The following PXYLP1 variants were observed in gnomAD, a reference collection of about 807,000 sequenced individuals.
PXYLP1 encodes the protein 2-phosphoxylose phosphatase 1, also known as acid phosphatase-like 2.
A neutral mutation model predicts 37.9 loss-of-function variants in PXYLP1; 17 were observed. That is an observed-to-expected ratio of 0.45 (90% CI 0.31 to 0.67). The LOEUF is 0.67. PXYLP1 is among the 30% of genes least tolerant of loss of function. The pLI, the probability that PXYLP1 is intolerant of heterozygous loss-of-function variation, is 0.07. For synonymous variants in PXYLP1, 221 were observed against 232.2 expected, an observed-to-expected ratio of 0.95 and a Z score of 0.44; for missense variants, 511 against 612.0, an observed-to-expected ratio of 0.84 and a Z score of 1.74.
At chr3:141,272,791 C>A (rs758955212) in intron 2 of PXYLP1, 3 of 171,500 alleles carry the variant, frequency 1.7e-5, no homozygotes, top group Non-Finnish European at 3.4e-5. Flanking sequence ...ATTTTTTCTG[C>A]CTGCTTATAT....
chr3:141,289,860 G>A (rs1053014794), intron 5 of PXYLP1, among the ~76,000 whole-genome samples: 1 of 152,160 alleles, frequency 6.6e-6, no homozygotes, highest in Non-Finnish European at 1.5e-5. Flanking sequence ...TCTGGATCCA[G>A]GAGCTGCTAC....
At chr3:141,288,077 C>T (rs1942117984) in intron 5 of PXYLP1, among the ~76,000 whole-genome samples, 1 of 152,244 alleles carries the variant, frequency 6.6e-6, no homozygotes, top group African/African-American at 2.4e-5. Context: ...AGAAGCACAG[C>T]TTTCCCTCCG....
chr3:141,278,127 A>G (rs6803826), intron 2 of PXYLP1, among the ~76,000 whole-genome samples: 129,277 of 152,190 alleles, frequency 0.85, 55,382 homozygotes, highest in African/African-American at 0.96. Context: ...TGAATAGATG[A>G]TAAGGAGAGG....
At chr3:141,249,867 A>C (rs1472553398) in intron 1 of PXYLP1, among the ~76,000 whole-genome samples, 4 of 152,158 alleles carry the variant, frequency 2.6e-5, no homozygotes, top group Admixed American at 2.0e-4. Flanking sequence ...GCGTACATAA[A>C]AGTGAAAATC....
At chr3:141,249,618 C>G (rs1941096117) in intron 1 of PXYLP1, among the ~76,000 whole-genome samples, 1 of 152,124 alleles carries the variant, frequency 6.6e-6, no homozygotes, top group Non-Finnish European at 1.5e-5. Flanking sequence ...AATTGACACA[C>G]TTTGCTTGCA....
chr3:141,239,590 GT>G (rs1940746831), intron 1 of PXYLP1, among the ~76,000 whole-genome samples: 1 of 152,106 alleles, frequency 6.6e-6, no homozygotes, highest in African/African-American at 2.4e-5. Context: ...AATTGATGGT[GT>G]TTAACGACTC....
intron 4 of PXYLP1, among the ~76,000 whole-genome samples, chr3:141,280,207 A>G (rs1281138750): frequency 6.6e-6 from 1 of 152,266 alleles, no homozygotes; most frequent in Non-Finnish European, 1.5e-5. Flanking sequence ...GAATGAGGTC[A>G]GGAGATGAAG....
At chr3:141,264,998 G>C (rs1483357265) in intron 2 of PXYLP1, among the ~76,000 whole-genome samples, 2 of 152,184 alleles carry the variant, frequency 1.3e-5, no homozygotes, top group Admixed American at 1.3e-4. Flanking sequence ...GCTTGGAGTT[G>C]GGGAAGACCC....
At chr3:141,233,851 C>T (rs1223798339) in intron 1 of PXYLP1, among the ~76,000 whole-genome samples, 1 of 152,246 alleles carries the variant, frequency 6.6e-6, no homozygotes, top group Non-Finnish European at 1.5e-5. Context: ...CAAGGACATA[C>T]TGGGGCTCAG....
chr3:141,261,745 A>G (rs1511376), intron 2 of PXYLP1, among the ~76,000 whole-genome samples: 95,054 of 139,668 alleles, frequency 0.68, 30,591 homozygotes, highest in South Asian at 0.74. Flanking sequence ...TATCCCAGGA[A>G]CCAGCACTGC....
intron 2 of PXYLP1, chr3:141,262,707 T>C (rs1941422580): frequency 6.5e-7 from 1 of 1,534,466 alleles, no homozygotes; most frequent in Non-Finnish European, 8.7e-7. Flanking sequence ...TGGACGTTCT[T>C]ACTGCTCTTC....
rs966388939 is a variant in PXYLP1, at chr3:141,293,492, G to A, written c.*287G>A. On this transcript the variant is annotated 3_prime_UTR_variant, in exon 6 of 6. Coordinates refer to ENST00000286353, the MANE Select transcript of PXYLP1 (RefSeq NM_001037172.3). ...ATAATATAGTTCAAGACCTGAAGTT[G>A]CCAATCCAAGTTTGCACTCTTCTGG... is the stretch of plus-strand genomic sequence containing the variant. The A allele has an allele frequency of 8.1e-6, 3 of 371,266 alleles. No homozygotes were observed. Among genetic ancestry groups the A allele is most frequent in the African/African-American group, 2.0e-5 (1 of 48,938 alleles). 23.0% of individuals were successfully genotyped at this position (371,266 alleles called of 1,614,324 possible). A position where few individuals can be genotyped will look rare whatever the true frequency, so the allele number is the denominator to read the frequency against.
At chr3:141,251,719 C>T (rs965902356) in intron 1 of PXYLP1, among the ~76,000 whole-genome samples, 8 of 152,160 alleles carry the variant, frequency 5.3e-5, no homozygotes, top group African/African-American at 1.7e-4. Flanking sequence ...TTTTGCCCCT[C>T]GGACCTGCCC....
chr3:141,280,019 G>C (rs543271922), intron 4 of PXYLP1, among the ~76,000 whole-genome samples: 9 of 152,332 alleles, frequency 5.9e-5, no homozygotes, highest in African/African-American at 2.2e-4. Flanking sequence ...TTTTTCACTG[G>C]AGTAGAGGCA....
chr3:141,292,174 A>G lies in PXYLP1; in HGVS notation c.506-94A>G, dbSNP rs1942230041. 4 of 1,267,724 alleles carry G rather than the reference A, an allele frequency of 3.2e-6. No homozygotes were observed. The highest frequency in any genetic ancestry group is 4.4e-6 in the Non-Finnish European group (4 of 912,380). 78.5% of individuals were successfully genotyped at this position (1,267,724 alleles called of 1,614,324 possible). A position where few individuals can be genotyped will look rare whatever the true frequency, so the allele number is the denominator to read the frequency against. On this transcript the variant is annotated intron_variant, in intron 5 of 5. Coordinates refer to ENST00000286353, the MANE Select transcript of PXYLP1 (RefSeq NM_001037172.3). This position sits in a 1 kb window ranked among gnomAD's most constrained non-coding sequence, Gnocchi z 4.3. The stretch of plus-strand genomic sequence containing the variant: ...AGGCTGGATGCCATTCTCTTGCCCT[A>G]AAACACTCCAGAGCCACACGCTGAC...
intron 2 of PXYLP1, among the ~76,000 whole-genome samples, chr3:141,277,932 T>C (rs1047365264): frequency 6.6e-6 from 1 of 152,196 alleles, no homozygotes; most frequent in East Asian, 1.9e-4. Flanking sequence ...AAATGGGATA[T>C]GTCAGACACC....
intron 1 of PXYLP1, among the ~76,000 whole-genome samples, chr3:141,249,235 T>A (rs778941133): frequency 2.6e-5 from 4 of 152,158 alleles, no homozygotes; most frequent in Non-Finnish European, 5.9e-5. Flanking sequence ...CACCTGCCAG[T>A]GAGAACAGGG....
At chr3:141,280,886 C>A (rs1040740107) in intron 4 of PXYLP1, among the ~76,000 whole-genome samples, 1 of 152,202 alleles carries the variant, frequency 6.6e-6, no homozygotes, top group Non-Finnish European at 1.5e-5. Flanking sequence ...CACTAGCTGG[C>A]GGTCCACAAG....
rs1941130793 is a variant in PXYLP1, at chr3:141,251,127, A to C, written c.-53-8996A>C. Reference sequence around the variant, plus strand: ...CTGCTAACAGCAAGTTCTAGATCGGAAATTGGTTTGTCTGCTTAAACAGAA... The same window carrying C: ...CTGCTAACAGCAAGTTCTAGATCGGCAATTGGTTTGTCTGCTTAAACAGAA... On this transcript the variant is annotated intron_variant, in intron 1 of 5. Coordinates refer to ENST00000286353, the MANE Select transcript of PXYLP1 (RefSeq NM_001037172.3). 3.3e-5 allele frequency among the ~76,000 whole-genome samples: 5 copies of C among 152,224 alleles called. No individual in the cohort carries two copies. The South Asian group carries it at 1.0e-3, about 32-fold the overall frequency.
Sources: allele counts gnomAD v4.1 joint callset (sites outside exome capture counted in the v4.1 genomes callset), GRCh38; gene constraint gnomAD v4.1.1; non-coding constraint Gnocchi (gnomAD v3.1); transcripts MANE v1.5; gene names NCBI Gene and HGNC (gene_info 2026-07-23, HGNC 2026-07-21).